ACADSB: variants seen among roughly 807,000 people sequenced by gnomAD.
The protein encoded by ACADSB is short/branched chain specific acyl-CoA dehydrogenase, mitochondrial.
In ACADSB, 40 loss-of-function variants were observed where a neutral mutation model predicts 54.1. That is an observed-to-expected ratio of 0.74 (90% CI 0.57 to 0.96). ACADSB has a LOEUF of 0.96. ACADSB is among the 40% of genes least tolerant of loss of function. ACADSB has a pLI of 0.00. For missense variants in ACADSB, 530 were observed against 510.4 expected (o/e 1.04, Z -0.37); for synonymous variants, 182 against 182.8 (o/e 1.00, Z 0.03).
At chr10:123,010,700 T>C (rs575761943) in intron 1 of ACADSB, among the ~76,000 whole-genome samples, 292 of 152,338 alleles carry the variant, frequency 1.9e-3, no homozygotes, top group Admixed American at 3.7e-3. Context: ...CTTAGAATAG[T>C]GCTCGGAATG....
At chr10:123,025,232 G>A (rs1185956395) in intron 1 of ACADSB, among the ~76,000 whole-genome samples, 1 of 152,190 alleles carries the variant, frequency 6.6e-6, no homozygotes, top group Non-Finnish European at 1.5e-5. Flanking sequence ...CTAGCCACAA[G>A]GATCGCTTGA....
chr10:123,010,433 C>G (rs1231922777), intron 1 of ACADSB, among the ~76,000 whole-genome samples: 3 of 152,150 alleles, frequency 2.0e-5, no homozygotes, highest in African/African-American at 7.2e-5. Context: ...GGCTTATAGT[C>G]CTTTATAGTT....
chr10:123,054,421 G>A lies in ACADSB; in HGVS notation c.*656G>A, dbSNP rs1290350584. The A allele has an allele frequency of 6.6e-6, 1 of 152,226 alleles. No individual in the cohort carries two copies. The highest frequency in any genetic ancestry group is 2.4e-5 in the African/African-American group (1 of 41,450). The allele number at this position is 152,226 out of a possible 1,614,324, so 9.4% of individuals were successfully genotyped here. The stretch of plus-strand genomic sequence containing the variant: ...AAGTACAATATTACTTATAGAAATA[G>A]TTTATATTCCTATTAAATCTTAATC... On this transcript the variant is annotated 3_prime_UTR_variant, in exon 11 of 11. Transcript: ENST00000358776.
chr10:123,041,458 CT>C, intron 5 of ACADSB, 79 bp downstream of exon 5: 1 of 1,444,930 alleles, frequency 6.9e-7, no homozygotes, highest in Non-Finnish European at 9.7e-7. Context: ...CTTCTGTTTC[CT>C]TTTTAGGACT....
At chr10:123,010,184 A>G (rs1850000926) in intron 1 of ACADSB, among the ~76,000 whole-genome samples, 1 of 152,196 alleles carries the variant, frequency 6.6e-6, no homozygotes, top group African/African-American at 2.4e-5. Flanking sequence ...TTGACCGCAT[A>G]CTCTGTGGTA....
chr10:123,018,415 G>A (rs144995718), intron 1 of ACADSB, among the ~76,000 whole-genome samples: 1 of 152,250 alleles, frequency 6.6e-6, no homozygotes, highest in African/African-American at 2.4e-5. Flanking sequence ...AAAGGGCAAG[G>A]CATTGTTAGG....
chr10:123,032,041 G>A (rs1388354731), intron 1 of ACADSB, among the ~76,000 whole-genome samples: 6 of 151,666 alleles, frequency 4.0e-5, no homozygotes, highest in African/African-American at 1.2e-4. Context: ...GTGCAGTGGT[G>A]TGATCTTGGC....
chr10:123,049,683 A>G (rs1850602413), intron 8 of ACADSB, among the ~76,000 whole-genome samples: 1 of 152,258 alleles, frequency 6.6e-6, no homozygotes, highest in South Asian at 2.1e-4. Flanking sequence ...ATGGCATTAC[A>G]GATCACTGAG....
chr10:123,051,035 CCTGA>C lies in ACADSB; in HGVS notation c.991-10_991-7del, dbSNP rs769292815. ...TGAAATCATAATTCTCTAACTTGGG[CCTGA>C]CTGTTACAGGGCCTCCAACACCAAG... On this transcript the variant is annotated splice_polypyrimidine_tract_variant and intron_variant, in intron 8 of 10. Coordinates refer to ENST00000358776, the MANE Select transcript of ACADSB (RefSeq NM_001609.4). The C allele has an allele frequency of 6.2e-6, 10 of 1,610,622 alleles. No homozygotes were observed. The highest frequency in any genetic ancestry group is 8.5e-6 in the Non-Finnish European group (10 of 1,179,268).
intron 1 of ACADSB, among the ~76,000 whole-genome samples, chr10:123,019,200 A>G (rs942341384): frequency 5.9e-5 from 9 of 152,330 alleles, no homozygotes; most frequent in Admixed American, 1.3e-4. Context: ...AAAGAAATAC[A>G]GATAGATCCT....
intron 8 of ACADSB, among the ~76,000 whole-genome samples, chr10:123,047,711 G>A (rs989996428): frequency 1.6e-4 from 24 of 152,140 alleles, no homozygotes; most frequent in Admixed American, 3.9e-4. Flanking sequence ...TACTTACCCC[G>A]GTTTAAATGA....
At chr10:123,016,645 T>G (rs1274571052) in intron 1 of ACADSB, among the ~76,000 whole-genome samples, 1 of 152,132 alleles carries the variant, frequency 6.6e-6, no homozygotes, top group East Asian at 1.9e-4. Context: ...GTATGGGGCA[T>G]CGGAAGGATA....
At chr10:123,038,275 C>G (rs1459270174) in intron 3 of ACADSB, among the ~76,000 whole-genome samples, 1 of 152,170 alleles carries the variant, frequency 6.6e-6, no homozygotes, top group Non-Finnish European at 1.5e-5. Flanking sequence ...CAACCCAATG[C>G]CACCATGAAG....
chr10:123,042,068 C>T (rs767520509), intron 5 of ACADSB, among the ~76,000 whole-genome samples: 15 of 150,680 alleles, frequency 1.0e-4, no homozygotes, highest in Non-Finnish European at 2.2e-4. Context: ...TGAGTTCAAG[C>T]GATTCTCCTG....
At chr10:123,014,016 G>A (rs1850080278) in intron 1 of ACADSB, among the ~76,000 whole-genome samples, 2 of 152,334 alleles carry the variant, frequency 1.3e-5, no homozygotes, top group South Asian at 4.1e-4. Context: ...CCGAGGAGGC[G>A]AGGCACCGAG....
At position 123,053,100 on chromosome 10, in the gene ACADSB, G is replaced by A. The variant is rs764095189; in HGVS notation, c.1168G>A (p.Gly390Arg). The A allele has an allele frequency of 4.3e-6, 7 of 1,614,064 alleles. No individual in the cohort carries two copies. The highest frequency in any genetic ancestry group is 2.2e-5 in the South Asian group (2 of 91,078). Residue 390 changes from glycine to arginine, a missense_variant, in exon 10 of 11, where the codon GGG becomes AGG. Transcript: ENST00000358776. ...AACGAGTAAATGTATCGAGTGGATG[G>A]GGGGAGTAGGCTACACCAAAGATTA... ...QTTSKCIEWMGGVGYTKDYPV... is the reference protein window; with the variant it reads ...QTTSKCIEWMRGVGYTKDYPV...
chr10:123,043,122 T>A lies in ACADSB; in HGVS notation c.758T>A (p.Leu253Ter). 2 of 1,613,964 alleles carry A rather than the reference T, an allele frequency of 1.2e-6. No homozygotes were observed. Among genetic ancestry groups the A allele is most frequent in the Non-Finnish European group, 1.7e-6 (2 of 1,179,922 alleles). ...GLHIGKPENK[L>*]GLRASSTCPL... is the part of the protein sequence containing the mutation. ...CATATAGGGAAACCTGAAAACAAATTGGGGCTCAGAGCTTCTTCCACCTGC... is the reference window on the plus strand; with the variant it reads ...CATATAGGGAAACCTGAAAACAAATAGGGGCTCAGAGCTTCTTCCACCTGC... Residue 253 changes from leucine (L) to a stop codon, truncating the protein, a stop_gained, in exon 6 of 11, where the codon TTG (leucine) becomes TAG (stop). Transcript: ENST00000358776. LOFTEE classifies it high-confidence loss of function.
chr10:123,051,889 TG>T (rs1358940800), intron 9 of ACADSB, among the ~76,000 whole-genome samples: 1 of 152,212 alleles, frequency 6.6e-6, no homozygotes, highest in Non-Finnish European at 1.5e-5. Context: ...AGCGTCATCT[TG>T]GCACCCTGCT....
In ACADSB at chr10:123,034,494, G is replaced by T; in HGVS notation, c.181G>T (p.Glu61Ter). The change falls in exon 2 of 11, where the codon GAA (glutamate) becomes TAA (stop). Residue 61 changes from glutamate (E) to a stop codon, truncating the protein, a stop_gained. Transcript: ENST00000358776. LOFTEE classifies it high-confidence loss of function. ...FAPLQTFTDE[E>*]MMIKSSVKKF... ...TCCCCTGCAAACATTTACAGATGAG[G>T]AAATGATGATAAAGAGTTCAGGTAA... The T allele has an allele frequency of 6.2e-7, 1 of 1,610,230 alleles. No individual in the cohort carries two copies.
Sources: gnomAD v4.1 joint callset for allele counts (sites outside exome capture counted in the v4.1 genomes callset) on GRCh38, gnomAD v4.1.1 for gene constraint, MANE v1.5 for transcripts, NCBI Gene and HGNC (gene_info 2026-07-23, HGNC 2026-07-21) for gene names.